The following NSRP1 variants were observed in gnomAD, a reference collection of about 807,000 sequenced individuals.
NSRP1 encodes nuclear speckle splicing regulatory protein 1.
A neutral mutation model predicts 54.7 loss-of-function variants in NSRP1; 24 were observed. The ratio of observed to expected loss-of-function variants is 0.44; its 90% CI spans 0.32 to 0.62. The LOEUF is 0.62. NSRP1 is among the 20% of genes least tolerant of loss of function. The probability of loss-of-function intolerance (pLI) is 0.06; values close to 1 mark genes in which losing one functional copy is unlikely to be tolerated. For missense variants in NSRP1, 596 were observed against 651.2 expected (o/e 0.92, Z 0.92); for synonymous variants, 210 against 213.8 (o/e 0.98, Z 0.15).
rs560169240 is a variant in NSRP1 at position 30,179,885 on chromosome 17, G to A, written c.508+588G>A. ...AGACTGGGTCTCTGTCACCCAGGCTGGAGTGCAGTGGCTCAACCATGGCTC... is the reference window on the plus strand; with the variant it reads ...AGACTGGGTCTCTGTCACCCAGGCTAGAGTGCAGTGGCTCAACCATGGCTC... On this transcript the variant is annotated intron_variant, in intron 5 of 6. Coordinates refer to ENST00000247026, the MANE Select transcript of NSRP1 (RefSeq NM_032141.4). Among the ~76,000 whole-genome samples, 3 of 152,172 alleles carry A rather than the reference G, an allele frequency of 2.0e-5. No individual in the cohort carries two copies. The South Asian group carries it at 6.2e-4, about 32-fold the overall frequency.
chr17:30,134,550 G>A (rs917631241), intron 2 of NSRP1, among the ~76,000 whole-genome samples: 1 of 152,194 alleles, frequency 6.6e-6, no homozygotes, highest in Admixed American at 6.5e-5. Flanking sequence ...GGTTTCAGCT[G>A]AAAGAGAAGC....
At chr17:30,157,278 CAT>C (rs1220896775) in intron 2 of NSRP1, among the ~76,000 whole-genome samples, 14 of 152,088 alleles carry the variant, frequency 9.2e-5, no homozygotes, top group African/African-American at 9.7e-5. Context: ...GTTGGCTACT[CAT>C]ATGTATTTTG....
chr17:30,132,183 G>T (rs2071706340), intron 2 of NSRP1, among the ~76,000 whole-genome samples: 1 of 151,216 alleles, frequency 6.6e-6, no homozygotes, highest in Non-Finnish European at 1.5e-5. Context: ...GGGAGGCAGA[G>T]CTTGCAGTGA....
intron 2 of NSRP1, among the ~76,000 whole-genome samples, chr17:30,138,913 T>G (rs938648215): frequency 7.9e-6 from 1 of 126,276 alleles, no homozygotes; most frequent in African/African-American, 3.0e-5. Context: ...CTTAGCGTTT[T>G]TTTTTTTTTT....
chr17:30,153,816 G>A (rs1196307395), intron 2 of NSRP1, among the ~76,000 whole-genome samples: 2 of 152,074 alleles, frequency 1.3e-5, no homozygotes, highest in African/African-American at 4.8e-5. Context: ...AGTCTTAGAG[G>A]CTGTTTTAGC....
At chr17:30,171,805 A>G (rs1904941626) in intron 2 of NSRP1, among the ~76,000 whole-genome samples, 1 of 152,034 alleles carries the variant, frequency 6.6e-6, no homozygotes, top group South Asian at 2.1e-4. Flanking sequence ...TTAAACATAA[A>G]CCGAGAGCTT....
intron 2 of NSRP1, among the ~76,000 whole-genome samples, chr17:30,171,961 CACACA>C (rs1904949121): frequency 2.9e-5 from 4 of 136,246 alleles, no homozygotes; most frequent in African/African-American, 8.3e-5. Flanking sequence ...CACACACACA[CACACA>C]CACACACTCC....
At chr17:30,170,766 T>G (rs1023394648) in intron 2 of NSRP1, among the ~76,000 whole-genome samples, 1 of 152,180 alleles carries the variant, frequency 6.6e-6, no homozygotes, top group African/African-American at 2.4e-5. Flanking sequence ...CTTTACCAGG[T>G]GGTGATTTCA....
intron 2 of NSRP1, chr17:30,122,541 A>T (rs1424693235): frequency 3.3e-5 from 5 of 150,134 alleles, no homozygotes; most frequent in African/African-American, 4.9e-5. Flanking sequence ...AGTAGCTGGG[A>T]TTACAGGCGT....
rs1393181934 is a variant in NSRP1, at chr17:30,175,129, CTT to C, written c.171+2535_171+2536del. On this transcript the variant is annotated intron_variant, in intron 3 of 6. Coordinates refer to ENST00000247026, the MANE Select transcript of NSRP1 (RefSeq NM_032141.4). ...TGGGTTTATTTTGTTATTTTTCTAA[CTT>C]TTTGAGATTGCTGCATAGCTCTGTT... Among the ~76,000 whole-genome samples, 7 of 152,212 alleles carry C rather than the reference CTT, an allele frequency of 4.6e-5. No homozygotes were observed. In the East Asian group the frequency reaches 9.6e-4, roughly 21 times the overall value.
At chr17:30,152,189 C>G (rs1200401980) in intron 2 of NSRP1, among the ~76,000 whole-genome samples, 1 of 151,946 alleles carries the variant, frequency 6.6e-6, no homozygotes, top group Non-Finnish European at 1.5e-5. Context: ...GTGGCGCGAT[C>G]TCGGCTCACG....
chr17:30,163,233 GTGTGTGTGTGTGTGTT>G (rs1025428744), intron 2 of NSRP1: 6 of 91,660 alleles, frequency 6.5e-5, no homozygotes, highest in African/African-American at 1.8e-4. Context: ...GTGTGTGTGT[GTGTGTGTGTGTGTGTT>G]TTTAGTAGAG....
intron 2 of NSRP1, among the ~76,000 whole-genome samples, chr17:30,121,758 C>T (rs986458704): frequency 2.0e-5 from 3 of 152,070 alleles, no homozygotes; most frequent in South Asian, 2.1e-4. Flanking sequence ...TTAGTAGAGA[C>T]GGAGTTTCAC....
chr17:30,129,960 T>C (rs189362371), intron 2 of NSRP1, among the ~76,000 whole-genome samples: 7 of 152,316 alleles, frequency 4.6e-5, no homozygotes, highest in Admixed American at 3.3e-4. Flanking sequence ...TGCAATTTGC[T>C]AAAATTTCAT....
intron 3 of NSRP1, 68 bp from the exon 4 acceptor site, chr17:30,178,003 A>G (rs1292384266): frequency 4.0e-6 from 6 of 1,510,708 alleles, no homozygotes; most frequent in Admixed American, 3.5e-5. Flanking sequence ...CCATTCTCAA[A>G]AAGCATAGAC....
intron 2 of NSRP1, among the ~76,000 whole-genome samples, chr17:30,171,972 A>ACACACACTCTCTCTCTCT (rs1169988659): frequency 4.3e-5 from 2 of 46,640 alleles, no homozygotes; most frequent in African/African-American, 6.1e-5. Context: ...ACACACACAC[A>ACACACACTCTCTCTCTCT]CTCCCTCTCT....
chr17:30,153,955 T>C lies in NSRP1; in HGVS notation c.115-18587T>C, dbSNP rs139601334. Among the ~76,000 whole-genome samples, 41 of 152,336 alleles carry C rather than the reference T, an allele frequency of 2.7e-4. No homozygotes were observed. In the East Asian group the frequency reaches 6.4e-3, roughly 24 times the overall value. On this transcript the variant is annotated intron_variant, in intron 2 of 6. Transcript: ENST00000247026. Reference sequence around the variant, plus strand: ...AAGATATTTTAGTCATTTCAGAAAGTTGTATAGCCCTGCTCTAGATTTCGT... The same window carrying C: ...AAGATATTTTAGTCATTTCAGAAAGCTGTATAGCCCTGCTCTAGATTTCGT...
chr17:30,144,631 A>G (rs1242202194), intron 2 of NSRP1: 2 of 152,204 alleles, frequency 1.3e-5, no homozygotes, highest in Non-Finnish European at 2.9e-5. Flanking sequence ...ATGTGTATGT[A>G]TATGTATAGA....
chr17:30,122,088 C>G (rs577956304), intron 2 of NSRP1, among the ~76,000 whole-genome samples: 123 of 152,032 alleles, frequency 8.1e-4, no homozygotes, highest in Middle Eastern at 6.8e-3. Flanking sequence ...TGACTTCTTT[C>G]ACTTAGCATG....
Sources: allele counts gnomAD v4.1 joint callset (sites outside exome capture counted in the v4.1 genomes callset), GRCh38; gene constraint gnomAD v4.1.1; transcripts MANE v1.5; gene names NCBI Gene and HGNC (gene_info 2026-07-23, HGNC 2026-07-21).